Variants in LIFR observed in about 807,000 individuals in gnomAD.
LIFR encodes the protein leukemia inhibitory factor receptor.
In LIFR, 84 loss-of-function variants were observed where a neutral mutation model predicts 122.2. The observed-to-expected ratio is 0.69, with a 90% CI of 0.58 to 0.82. LIFR has a LOEUF of 0.82. LIFR is among the 40% of genes least tolerant of loss of function. The pLI is 0.00. For missense variants in LIFR, 1,294 were observed against 1,311.6 expected, an observed-to-expected ratio of 0.99 and a Z score of 0.21; for synonymous variants, 422 against 434.7, an observed-to-expected ratio of 0.97 and a Z score of 0.36.
At chr5:38,525,499 T>C (rs1746632270) in intron 4 of LIFR, among the ~76,000 whole-genome samples, 2 of 152,166 alleles carry the variant, frequency 1.3e-5, no homozygotes, top group African/African-American at 4.8e-5. Context: ...AAAATAGTTA[T>C]TAAAAATAGG....
chr5:38,556,993 A>T (rs1460265700), upstream of LIFR: 2 of 152,128 alleles, frequency 1.3e-5, no homozygotes, highest in South Asian at 4.1e-4. Context: ...CGCCTCCCCG[A>T]ATGCGGCCGC....
chr5:38,539,085 C>T (rs1288699954), intron 1 of LIFR, among the ~76,000 whole-genome samples: 1 of 152,116 alleles, frequency 6.6e-6, no homozygotes, highest in African/African-American at 2.4e-5. Context: ...CTCAGCCTCC[C>T]GAGTAGCTGG....
chr5:38,604,952 T>C (rs577889186), intron 2 of LIFR, among the ~76,000 whole-genome samples: 1 of 152,222 alleles, frequency 6.6e-6, no homozygotes, highest in Non-Finnish European at 1.5e-5. Context: ...GTATTCTGAC[T>C]GGTGATTGGT....
intron 5 of LIFR, among the ~76,000 whole-genome samples, chr5:38,522,612 T>G (rs1487344742): frequency 1.3e-5 from 2 of 152,214 alleles, no homozygotes; most frequent in Non-Finnish European, 1.5e-5. Context: ...GGTTTGTATG[T>G]GGCCTAGAAG....
chr5:38,493,825 CAAT>C, intron 13 of LIFR, 40 bp from the exon 14 acceptor site: 1 of 1,524,110 alleles, frequency 6.6e-7, no homozygotes, highest in Non-Finnish European at 9.1e-7. Flanking sequence ...GCATTAAAAA[CAAT>C]AATATAAGGC....
intron 5 of LIFR, among the ~76,000 whole-genome samples, chr5:38,519,624 C>T (rs1746295377): frequency 6.6e-6 from 1 of 152,208 alleles, no homozygotes; most frequent in African/African-American, 2.4e-5. Context: ...CCAACACACC[C>T]TTCTCAGTCT....
chr5:38,516,008 A>C (rs753681925), intron 5 of LIFR, among the ~76,000 whole-genome samples: 1 of 152,222 alleles, frequency 6.6e-6, no homozygotes, highest in Non-Finnish European at 1.5e-5. Context: ...GACATTAATA[A>C]CGTACTATTA....
At chr5:38,585,710 A>C (rs925588022) in intron 1 of LIFR, among the ~76,000 whole-genome samples, 1 of 152,176 alleles carries the variant, frequency 6.6e-6, no homozygotes, top group East Asian at 1.9e-4. Flanking sequence ...GTAAATGGTA[A>C]CCTAGTTGCT....
chr5:38,521,319 TGG>T (rs893587829), intron 5 of LIFR, among the ~76,000 whole-genome samples: 1 of 152,216 alleles, frequency 6.6e-6, no homozygotes, highest in African/African-American at 2.4e-5. Context: ...CTAAGTTTTT[TGG>T]GGGAGTCTTT....
intron 10 of LIFR, 41 bp from the exon 11 acceptor site, chr5:38,502,840 T>C (rs888503780): frequency 8.9e-6 from 10 of 1,125,736 alleles, no homozygotes; most frequent in Admixed American, 7.1e-5. Context: ...GTATATATTA[T>C]GTGTATGAAT....
chr5:38,516,860 T>C lies in LIFR; in HGVS notation c.562-4896A>G, dbSNP rs915765118. Among the ~76,000 whole-genome samples the C allele has an allele frequency of 3.3e-5, 5 of 152,246 alleles. No homozygotes were observed. In the East Asian group the frequency reaches 7.7e-4, roughly 24 times the overall value. ...AAGAAAATGTGGCACATACACACCATGGAGTACTATGCAGCCATAAAAAAG... is the reference window on the plus strand; with the variant it reads ...AAGAAAATGTGGCACATACACACCACGGAGTACTATGCAGCCATAAAAAAG... On this transcript the variant is annotated intron_variant, in intron 5 of 19. Transcript: ENST00000453190.
rs1443935129 is a variant in LIFR at position 38,480,649 on chromosome 5, T to C, written c.*946A>G. On this transcript the variant is annotated 3_prime_UTR_variant, in exon 20 of 20. Transcript: ENST00000453190. ...GAGGAACGAAATCCAATCAGAACTA[T>C]ATGGACAGCTAACGCTGCTAGATAT... 1.4e-5 allele frequency: 3 copies of C among 216,598 alleles called. No individual in the cohort carries two copies. Among genetic ancestry groups the C allele is most frequent in the South Asian group, 1.9e-4 (1 of 5,370 alleles). 13.4% of individuals were successfully genotyped at this position (216,598 alleles called of 1,614,324 possible).
intron 1 of LIFR, chr5:38,550,198 TTTCCAAAATC>T (rs758215550): frequency 2.7e-5 from 25 of 915,288 alleles, no homozygotes; most frequent in Non-Finnish European, 3.3e-5. Context: ...AAAGTGACAA[TTTCCAAAATC>T]CTCCAGTTGA....
chr5:38,505,882 A>C lies in LIFR; in HGVS notation c.1291+23T>G, dbSNP rs1745446818. ...CACCACTTTTAAAGTTATTTTTAAG[A>C]CATTAGTTTATGTACAGCTTACCTT... On this transcript the variant is annotated intron_variant, in intron 9 of 19. Transcript: ENST00000453190. The C allele has an allele frequency of 3.3e-6, 5 of 1,511,248 alleles. No individual in the cohort carries two copies. The South Asian group carries it at 3.7e-5, about 11-fold the overall frequency. The allele number at this position is 1,511,248 out of a possible 1,614,324, so 93.6% of individuals were successfully genotyped here. A position where few individuals can be genotyped will look rare whatever the true frequency, so the allele number is the denominator to read the frequency against.
chr5:38,504,082 A>C lies in LIFR; in HGVS notation c.1331T>G (p.Ile444Ser). 6.3e-7 allele frequency: 1 copy of C among 1,586,470 alleles called. No individual in the cohort carries two copies. Among genetic ancestry groups the C allele is most frequent in the South Asian group, 1.1e-5 (1 of 90,454 alleles). ...AGAAAGTTTAACAGCTGTTGAATTA[A>C]TATCCTTCACTTTGAATGAAGTAGG... ...HTPTSFKVKDINSTAVKLSWH... is the reference protein window; with the variant it reads ...HTPTSFKVKDSNSTAVKLSWH... Residue 444 changes from isoleucine to serine, a missense_variant, in exon 10 of 20, where the codon ATT becomes AGT. Coordinates refer to ENST00000453190, the MANE Select transcript of LIFR (RefSeq NM_001127671.2).
chr5:38,549,312 A>G (rs1748070138), intron 1 of LIFR, among the ~76,000 whole-genome samples: 1 of 151,636 alleles, frequency 6.6e-6, no homozygotes. Flanking sequence ...ACAAGGATCA[A>G]CGTACCCATA....
At chr5:38,508,879 C>T (rs961825331) in intron 7 of LIFR, among the ~76,000 whole-genome samples, 19 of 152,284 alleles carry the variant, frequency 1.2e-4, no homozygotes, top group East Asian at 1.9e-4. Flanking sequence ...CCACCACACC[C>T]GGCCTAAATT....
chr5:38,585,722 A>T (rs1437888427), intron 1 of LIFR, among the ~76,000 whole-genome samples: 1 of 149,580 alleles, frequency 6.7e-6, no homozygotes, highest in Non-Finnish European at 1.5e-5. Context: ...CTAGTTGCTC[A>T]TTTTTTTTTT....
At chr5:38,489,033 A>G (rs781129619) in intron 16 of LIFR, 45 bp downstream of exon 16, 3 of 1,545,198 alleles carry the variant, frequency 1.9e-6, no homozygotes, top group South Asian at 1.1e-5. Context: ...GTGGTTAATG[A>G]GAAACTTCTA....
Sources: allele counts gnomAD v4.1 joint callset (sites outside exome capture counted in the v4.1 genomes callset), GRCh38; gene constraint gnomAD v4.1.1; transcripts MANE v1.5; gene names NCBI Gene and HGNC (gene_info 2026-07-23, HGNC 2026-07-21).